The following AFF2 variants were observed in gnomAD, a reference collection of about 807,000 sequenced individuals.
AFF2 encodes ALF transcription elongation factor 2.
AFF2 carries 14 observed loss-of-function variants against 76.9 expected under a neutral mutation model. The ratio of observed to expected loss-of-function variants is 0.18; its 90% confidence interval spans 0.12 to 0.28. The LOEUF (loss-of-function observed/expected upper bound fraction) is 0.28. Ranked by LOEUF, AFF2 falls within the 10% of genes least tolerant of loss-of-function variation. AFF2 has a pLI of 1.00. For synonymous variants in AFF2, 398 were observed against 366.7 expected, an observed-to-expected ratio of 1.09 and a Z score of -0.98; for missense variants, 868 against 1,001.1, an observed-to-expected ratio of 0.87 and a Z score of 1.79.
At chrX:148,826,297 A>G in intron 4 of AFF2, among the ~76,000 whole-genome samples, 1 of 108,949 alleles carries the variant, frequency 9.2e-6, no homozygotes, top group East Asian at 3.0e-4. Context: ...TTGAAGTACA[A>G]ATGTGGATGC....
chrX:148,709,706 C>T (rs781841792), intron 3 of AFF2, among the ~76,000 whole-genome samples: 25 of 111,774 alleles, frequency 2.2e-4, no homozygotes, highest in South Asian at 7.5e-4. Context: ...TAGTGTGGCA[C>T]GGTAGAAAGG....
intron 1 of AFF2, among the ~76,000 whole-genome samples, chrX:148,567,402 G>A (rs1227490908): frequency 9.0e-6 from 1 of 111,508 alleles, no homozygotes; most frequent in African/African-American, 3.3e-5. Context: ...AAACCTAGCC[G>A]TTATCTTGAA....
At chrX:148,590,018 C>T (rs1419302813) in intron 1 of AFF2, among the ~76,000 whole-genome samples, 5 of 101,426 alleles carry the variant, frequency 4.9e-5, no homozygotes, top group African/African-American at 7.2e-5. Context: ...GAACTGAGAG[C>T]GGTCACAGAG....
At chrX:148,908,378 A>G (rs192453401) in intron 9 of AFF2, among the ~76,000 whole-genome samples, 58 of 112,378 alleles carry the variant, frequency 5.2e-4, no homozygotes, top group African/African-American at 1.8e-3. Context: ...AGAAATTATA[A>G]AAGTATTAAT....
At chrX:148,956,730 A>C (rs1208746704) in intron 11 of AFF2, 117 bp downstream of exon 11, 1 of 676,057 alleles carries the variant, frequency 1.5e-6, no homozygotes, top group African/African-American at 2.2e-5. Context: ...GATTTTGGCA[A>C]AGGTGATGAT....
chrX:148,720,957 C>T (rs1297868468), intron 3 of AFF2, among the ~76,000 whole-genome samples: 1 of 111,527 alleles, frequency 9.0e-6, no homozygotes, highest in Non-Finnish European at 1.9e-5. Context: ...TATTTGTCCT[C>T]CATAGAGATA....
intron 8 of AFF2, among the ~76,000 whole-genome samples, chrX:148,888,653 G>T (rs1183525273): frequency 9.0e-6 from 1 of 111,476 alleles, no homozygotes; most frequent in Non-Finnish European, 1.9e-5. Context: ...TCTTTGAATT[G>T]GGACAGTCAT....
chrX:148,969,537 T>A (rs2072223392), intron 15 of AFF2, among the ~76,000 whole-genome samples: 1 of 112,221 alleles, frequency 8.9e-6, no homozygotes, highest in African/African-American at 3.2e-5. Context: ...ATACATTAAA[T>A]CATCTCTAGA....
intron 1 of AFF2, among the ~76,000 whole-genome samples, chrX:148,514,797 G>A (rs1557233596): frequency 8.9e-6 from 1 of 112,030 alleles, no homozygotes; most frequent in East Asian, 2.8e-4. Flanking sequence ...CCTTGAATAG[G>A]TCTGACAGCA....
intron 9 of AFF2, among the ~76,000 whole-genome samples, chrX:148,939,906 T>G (rs2071814198): frequency 8.9e-6 from 1 of 112,185 alleles, no homozygotes; most frequent in Non-Finnish European, 1.9e-5. Flanking sequence ...ACATATTATC[T>G]CTTGTTTAAA....
chrX:148,987,603 G>T (rs376129454), intron 20 of AFF2, 46 bp downstream of exon 20: 1 of 1,084,272 alleles, frequency 9.2e-7, no homozygotes, highest in Non-Finnish European at 1.3e-6. Context: ...CCATGATGGA[G>T]TTAACTTCAC....
intron 1 of AFF2, among the ~76,000 whole-genome samples, chrX:148,629,704 G>C (rs1444671549): frequency 1.8e-5 from 2 of 111,799 alleles, no homozygotes; most frequent in African/African-American, 3.3e-5. Context: ...ACACTGACAT[G>C]CTTCCTCGGT....
rs181570030 is a variant in AFF2, at chrX:148,987,535, C to T, written c.3792C>T (p.Asp1264=). 1 of 1,208,907 alleles carries T rather than the reference C, an allele frequency of 8.3e-7. No homozygotes were observed. Among genetic ancestry groups the T allele is most frequent in the East Asian group, 3.0e-5 (1 of 33,731 alleles). The stretch of plus-strand genomic sequence containing the variant: ...GCTATGAACACTGGGATATGGCCGA[C>T]AAACTGACAAGAGAAAACAAAGGTA... ...LRGYEHWDMA[D]KLTRENKEFF... The change falls in exon 20 of 21, where the codon GAC becomes GAT. Residue 1264 remains aspartate, a synonymous_variant. Transcript: ENST00000370460.
At chrX:148,893,294 G>A (rs2071245480) in intron 8 of AFF2, among the ~76,000 whole-genome samples, 1 of 112,012 alleles carries the variant, frequency 8.9e-6, no homozygotes, top group Admixed American at 9.5e-5. Context: ...ATAAGAAACT[G>A]CTTAGGGCTT....
intron 1 of AFF2, among the ~76,000 whole-genome samples, chrX:148,543,869 G>A (rs923011549): frequency 1.8e-5 from 2 of 111,969 alleles, no homozygotes; most frequent in Non-Finnish European, 3.8e-5. Flanking sequence ...TTATTAACAG[G>A]GTTAAAGTAA....
chrX:148,538,297 G>A (rs964943413), intron 1 of AFF2, among the ~76,000 whole-genome samples: 27 of 112,130 alleles, frequency 2.4e-4, no homozygotes, highest in African/African-American at 6.2e-4. Context: ...TGGTAGAAGC[G>A]TGCAGATTGC....
At chrX:148,833,540 T>G (rs2070481130) in intron 4 of AFF2, among the ~76,000 whole-genome samples, 1 of 108,809 alleles carries the variant, frequency 9.2e-6, no homozygotes, top group Non-Finnish European at 1.9e-5. Flanking sequence ...AGGCACAGGT[T>G]GCAGTGAGCC....
At chrX:148,737,717 C>T (rs1169503775) in intron 3 of AFF2, among the ~76,000 whole-genome samples, 2 of 111,523 alleles carry the variant, frequency 1.8e-5, no homozygotes, top group African/African-American at 6.5e-5. Flanking sequence ...TGAATGCTTT[C>T]AACTTTTCCC....
At chrX:148,754,485 G>A (rs2055537671) in intron 3 of AFF2, among the ~76,000 whole-genome samples, 1 of 110,694 alleles carries the variant, frequency 9.0e-6, no homozygotes, top group Non-Finnish European at 1.9e-5. Flanking sequence ...GAAGAGGGCA[G>A]GAAATTTATT....
Sources: allele counts gnomAD v4.1 joint callset (sites outside exome capture counted in the v4.1 genomes callset), GRCh38; gene constraint gnomAD v4.1.1; transcripts MANE v1.5; gene names NCBI Gene and HGNC (gene_info 2026-07-23, HGNC 2026-07-21).